PPFIA2: variants seen among roughly 807,000 people sequenced by gnomAD.
The protein encoded by PPFIA2 is liprin-alpha-2.
A neutral mutation model predicts 175.5 loss-of-function variants in PPFIA2; 46 were observed. That is an observed-to-expected ratio of 0.26 (90% confidence interval 0.21 to 0.34). The LOEUF (loss-of-function observed/expected upper bound fraction) is 0.34. Ranked by LOEUF, PPFIA2 falls within the 10% of genes least tolerant of loss-of-function variation. The pLI, the probability that PPFIA2 is intolerant of heterozygous loss-of-function variation, is 1.00. For missense variants in PPFIA2, 1,179 were observed against 1,506.1 expected (o/e 0.78, Z 3.60); for synonymous variants, 568 against 511.4 (o/e 1.11, Z -1.49).
At chr12:81,381,607 A>G (rs572076839) in intron 9 of PPFIA2, among the ~76,000 whole-genome samples, 5 of 152,282 alleles carry the variant, frequency 3.3e-5, no homozygotes, top group Admixed American at 2.6e-4. Flanking sequence ...AAATCCTAGT[A>G]ATTCCTTAAC....
At chr12:81,524,174 A>G (rs1410383322) in intron 4 of PPFIA2, among the ~76,000 whole-genome samples, 2 of 152,184 alleles carry the variant, frequency 1.3e-5, no homozygotes, top group African/African-American at 2.4e-5. Context: ...GTCCCCACTG[A>G]GTCAATGCCC....
intron 4 of PPFIA2, among the ~76,000 whole-genome samples, chr12:81,551,843 A>C (rs902349210): frequency 6.6e-6 from 1 of 151,906 alleles, no homozygotes; most frequent in Non-Finnish European, 1.5e-5. Context: ...CATTCTCAAA[A>C]AGAACAAGGA....
At chr12:81,335,826 C>T (rs946055452) in intron 21 of PPFIA2, among the ~76,000 whole-genome samples, 8 of 151,906 alleles carry the variant, frequency 5.3e-5, no homozygotes, top group African/African-American at 1.9e-4. Flanking sequence ...ACTCTAAAAC[C>T]AGATCCCCGA....
chr12:81,681,663 TG>T (rs986309796), intron 3 of PPFIA2, among the ~76,000 whole-genome samples: 4 of 151,902 alleles, frequency 2.6e-5, no homozygotes, highest in Non-Finnish European at 4.4e-5. Flanking sequence ...TGGCTCTCAG[TG>T]TAAGCCATCA....
intron 4 of PPFIA2, among the ~76,000 whole-genome samples, chr12:81,553,075 C>G (rs1319034434): frequency 6.6e-6 from 1 of 151,778 alleles, no homozygotes; most frequent in East Asian, 1.9e-4. Flanking sequence ...TGTGGTATGA[C>G]AGGAACACAT....
At position 81,700,692 on chromosome 12, in the gene PPFIA2, A is replaced by G. The variant is rs1418398786; in HGVS notation, c.250-23848T>C. Among the ~76,000 whole-genome samples the G allele has an allele frequency of 3.9e-5, 6 of 152,146 alleles. No homozygotes were observed. In the East Asian group the frequency reaches 1.2e-3, roughly 29 times the overall value. On this transcript the variant is annotated intron_variant, in intron 3 of 32. Transcript: ENST00000549396. Reference sequence around the variant, plus strand: ...ACAGTGTTTAGAAGGATAAAAAAATAAAATGATAACCAAAAATTATCACAG... The same window carrying G: ...ACAGTGTTTAGAAGGATAAAAAAATGAAATGATAACCAAAAATTATCACAG...
In PPFIA2 at chr12:81,642,748, T is replaced by A. The variant is rs1361474388; in HGVS notation, c.303+34043A>T. On this transcript the variant is annotated intron_variant, in intron 4 of 32. Transcript: ENST00000549396. ...ACATACATGTATATGTATGTATGTA[T>A]TATATACATACATGTATATGTATGT... 2.3e-5 allele frequency among the ~76,000 whole-genome samples: 2 copies of A among 85,268 alleles called. 1 individual carries two copies. The highest frequency in any genetic ancestry group is 6.9e-4 in the East Asian group (2 of 2,912). The allele number at this position is 85,268 out of a possible 152,430, so 55.9% of individuals were successfully genotyped here.
At chr12:81,462,648 A>T (rs1284266087) in intron 4 of PPFIA2, among the ~76,000 whole-genome samples, 1 of 147,516 alleles carries the variant, frequency 6.8e-6, no homozygotes, top group Non-Finnish European at 1.5e-5. Flanking sequence ...TCAACAAATT[A>T]TTCAGAAAAT....
At chr12:81,643,188 C>T (rs2065592020) in intron 4 of PPFIA2, among the ~76,000 whole-genome samples, 1 of 151,372 alleles carries the variant, frequency 6.6e-6, no homozygotes. Flanking sequence ...ATTCAACACT[C>T]AATTCAGTTG....
chr12:81,493,752 G>GTATATATATATA (rs1265967686), intron 4 of PPFIA2, among the ~76,000 whole-genome samples: 1 of 65,240 alleles, frequency 1.5e-5, no homozygotes, highest in South Asian at 5.4e-4. Flanking sequence ...GTGTGTGTGT[G>GTATATATATATA]TCTATATATA....
chr12:81,736,684 T>C (rs1244059975), intron 3 of PPFIA2, among the ~76,000 whole-genome samples: 1 of 151,882 alleles, frequency 6.6e-6, no homozygotes, highest in Non-Finnish European at 1.5e-5. Context: ...AAATTGAAAA[T>C]GGTAACTGCT....
chr12:81,708,408 T>C (rs1050073071), intron 3 of PPFIA2, among the ~76,000 whole-genome samples: 1 of 152,094 alleles, frequency 6.6e-6, no homozygotes, highest in African/African-American at 2.4e-5. Flanking sequence ...TTTTAAAGAA[T>C]GAAATTAGAA....
At chr12:81,271,382 T>C (rs1026614098) in intron 28 of PPFIA2, among the ~76,000 whole-genome samples, 3 of 152,200 alleles carry the variant, frequency 2.0e-5, no homozygotes, top group African/African-American at 7.2e-5. Context: ...GCGATTCTCC[T>C]GCCTCACCCT....
At chr12:81,490,145 C>T (rs952010100) in intron 4 of PPFIA2, among the ~76,000 whole-genome samples, 7 of 152,048 alleles carry the variant, frequency 4.6e-5, no homozygotes, top group Admixed American at 1.3e-4. Flanking sequence ...TGGAAACACA[C>T]AATTCAAATT....
chr12:81,629,972 A>G (rs1031259834), intron 4 of PPFIA2, among the ~76,000 whole-genome samples: 13 of 152,188 alleles, frequency 8.5e-5, no homozygotes, highest in African/African-American at 3.1e-4. Flanking sequence ...AGTGGTCCCA[A>G]TGCAATCACA....
chr12:81,455,285 G>C (rs1057177109), intron 5 of PPFIA2, among the ~76,000 whole-genome samples: 9 of 152,180 alleles, frequency 5.9e-5, no homozygotes, highest in African/African-American at 2.2e-4. Context: ...AGGAGGGTGA[G>C]AGGTGGTTAT....
chr12:81,579,049 G>GA (rs949137923), intron 4 of PPFIA2, among the ~76,000 whole-genome samples: 4 of 151,752 alleles, frequency 2.6e-5, no homozygotes, highest in African/African-American at 7.2e-5. Context: ...AAGCTAAATT[G>GA]AAAAAAATCA....
At chr12:81,556,013 T>C (rs537218532) in intron 4 of PPFIA2, among the ~76,000 whole-genome samples, 1 of 152,030 alleles carries the variant, frequency 6.6e-6, no homozygotes, top group Non-Finnish European at 1.5e-5. Context: ...TAAGAAATGT[T>C]TATGTTTAAA....
intron 3 of PPFIA2, among the ~76,000 whole-genome samples, chr12:81,696,974 G>C (rs1371325456): frequency 1.3e-5 from 2 of 151,880 alleles, no homozygotes; most frequent in African/African-American, 4.8e-5. Flanking sequence ...TTTGACATGT[G>C]AAGTTAGAGA....
Sources: allele counts gnomAD v4.1 joint callset (sites outside exome capture counted in the v4.1 genomes callset), GRCh38; gene constraint gnomAD v4.1.1; transcripts MANE v1.5; gene names NCBI Gene and HGNC (gene_info 2026-07-23, HGNC 2026-07-21).